SLIT3: variants seen among roughly 807,000 people sequenced by gnomAD.
The protein encoded by SLIT3 is slit homolog 3 protein.
SLIT3 carries 68 observed loss-of-function variants against 184.0 expected under a neutral mutation model. The observed-to-expected ratio is 0.37, with a 90% CI of 0.30 to 0.45. SLIT3 has a LOEUF of 0.45. SLIT3 is among the 20% of genes least tolerant of loss of function. The pLI is 1.00. For synonymous variants in SLIT3, 831 were observed against 828.6 expected (o/e 1.00, Z -0.05); for missense variants, 1,707 against 2,026.0 (o/e 0.84, Z 3.02).
intron 3 of SLIT3, among the ~76,000 whole-genome samples, chr5:169,231,935 C>T (rs1200913993): frequency 4.6e-5 from 7 of 152,152 alleles, no homozygotes; most frequent in East Asian, 1.9e-4. Context: ...ACTTTTCATA[C>T]GATCATTGGC....
At chr5:168,753,829 T>A (rs1561912187) in intron 17 of SLIT3, 35 bp downstream of exon 17, 2 of 1,600,458 alleles carry the variant, frequency 1.2e-6, no homozygotes, top group Admixed American at 3.3e-5. Flanking sequence ...CGTCTCCCTC[T>A]GGGTCTTGGC....
intron 4 of SLIT3, among the ~76,000 whole-genome samples, chr5:169,160,018 C>T (rs185682069): frequency 6.6e-6 from 1 of 152,304 alleles, no homozygotes; most frequent in Admixed American, 6.5e-5. Context: ...TCTCTGAGCA[C>T]TTGGTAGAGC....
chr5:168,933,594 T>G (rs1476371308), intron 4 of SLIT3, among the ~76,000 whole-genome samples: 1 of 152,150 alleles, frequency 6.6e-6, no homozygotes, highest in African/African-American at 2.4e-5. Flanking sequence ...TGATTCCCTT[T>G]TTAAGTATGA....
chr5:169,207,015 A>G (rs1473981529), intron 3 of SLIT3, among the ~76,000 whole-genome samples: 1 of 150,120 alleles, frequency 6.7e-6, no homozygotes, highest in East Asian at 2.0e-4. Flanking sequence ...TTGCATTGTC[A>G]CTTCGATCTG....
At chr5:168,985,837 T>TG (rs1232046074) in intron 4 of SLIT3, among the ~76,000 whole-genome samples, 8 of 151,538 alleles carry the variant, frequency 5.3e-5, no homozygotes, top group African/African-American at 1.9e-4. Flanking sequence ...GGAGGGATGA[T>TG]GGCGGGGGGT....
rs56974958 is a variant in SLIT3 at position 168,828,658 on chromosome 5, C to CAAAAAAAAAAAAA, written c.558-5328_558-5327insTTTTTTTTTTTTT. On this transcript the variant is annotated intron_variant, in intron 6 of 35. Transcript: ENST00000519560. The stretch of plus-strand genomic sequence containing the variant: ...TGGGTGACAGAGTGAGATCCTGACT[C>CAAAAAAAAAAAAA]AAAAAAAAAAAAGAAAAAAGAAAAA... Among the ~76,000 whole-genome samples the CAAAAAAAAAAAAA allele has an allele frequency of 1.9e-3, 184 of 97,104 alleles. 7 individuals are homozygous for CAAAAAAAAAAAAA. Among genetic ancestry groups the CAAAAAAAAAAAAA allele is most frequent in the African/African-American group, 6.5e-3 (163 of 25,054 alleles). The allele number at this position is 97,104 out of a possible 152,430, so 63.7% of individuals were successfully genotyped here.
chr5:169,176,626 T>G (rs1338961328), intron 4 of SLIT3, among the ~76,000 whole-genome samples: 1 of 152,214 alleles, frequency 6.6e-6, no homozygotes, highest in Non-Finnish European at 1.5e-5. Context: ...AGAATAAGGA[T>G]CAGAGATCAG....
chr5:168,999,763 G>A (rs911712044), intron 4 of SLIT3, among the ~76,000 whole-genome samples: 13 of 152,230 alleles, frequency 8.5e-5, no homozygotes, highest in Non-Finnish European at 1.9e-4. Context: ...GACTCACAAA[G>A]GCAGCCCTGG....
chr5:168,694,105 C>T (rs1761983808), intron 28 of SLIT3, among the ~76,000 whole-genome samples: 1 of 152,116 alleles, frequency 6.6e-6, no homozygotes, highest in Non-Finnish European at 1.5e-5. Context: ...ACTCTCAGGA[C>T]CAAAGTGCAA....
chr5:168,751,025 C>T (rs1180527660), intron 18 of SLIT3, among the ~76,000 whole-genome samples: 1 of 141,268 alleles, frequency 7.1e-6, no homozygotes, highest in Non-Finnish European at 1.5e-5. Flanking sequence ...GACCCTTGAG[C>T]AAAGGTGGAA....
At chr5:168,736,999 A>C (rs1210859362) in intron 20 of SLIT3, among the ~76,000 whole-genome samples, 1 of 152,204 alleles carries the variant, frequency 6.6e-6, no homozygotes, top group East Asian at 1.9e-4. Context: ...ATTACCTATT[A>C]AGAAAACCCA....
intron 3 of SLIT3, among the ~76,000 whole-genome samples, chr5:169,198,958 A>ACG (rs1413480816): frequency 6.8e-6 from 1 of 146,620 alleles, no homozygotes; most frequent in African/African-American, 2.5e-5. Flanking sequence ...AACTATACAC[A>ACG]CACACACACA....
intron 4 of SLIT3, among the ~76,000 whole-genome samples, chr5:168,929,132 G>T (rs1009996183): frequency 2.6e-5 from 4 of 152,118 alleles, no homozygotes; most frequent in Non-Finnish European, 5.9e-5. Flanking sequence ...TCACAGATGG[G>T]GAAACCAAGG....
At chr5:168,856,454 GAATTT>G (rs1348091648) in intron 5 of SLIT3, among the ~76,000 whole-genome samples, 1 of 152,094 alleles carries the variant, frequency 6.6e-6, no homozygotes, top group East Asian at 1.9e-4. Context: ...AAACATGAGG[GAATTT>G]AATTCACCTA....
intron 4 of SLIT3, among the ~76,000 whole-genome samples, chr5:169,172,644 T>C (rs1056449209): frequency 1.4e-4 from 21 of 152,348 alleles, no homozygotes; most frequent in African/African-American, 5.1e-4. Context: ...GAAGCTGATG[T>C]TCACATCCTC....
At chr5:168,793,672 C>T (rs1438461474) in intron 10 of SLIT3, among the ~76,000 whole-genome samples, 2 of 152,098 alleles carry the variant, frequency 1.3e-5, no homozygotes, top group Non-Finnish European at 2.9e-5. Flanking sequence ...ATTACCTGGA[C>T]TTCACAAAAA....
chr5:169,276,796 A>C (rs1214298545), intron 1 of SLIT3, among the ~76,000 whole-genome samples: 1 of 152,248 alleles, frequency 6.6e-6, no homozygotes, highest in Non-Finnish European at 1.5e-5. Context: ...TGTGCGCTAC[A>C]CATAAGGTCT....
At chr5:169,051,294 T>G (rs1353654890) in intron 4 of SLIT3, among the ~76,000 whole-genome samples, 2 of 152,190 alleles carry the variant, frequency 1.3e-5, no homozygotes, top group Non-Finnish European at 1.5e-5. Flanking sequence ...GCCTTTTTTT[T>G]TTTCCCCTCT....
At chr5:168,938,120 G>A (rs1762218771) in intron 4 of SLIT3, among the ~76,000 whole-genome samples, 2 of 152,112 alleles carry the variant, frequency 1.3e-5, no homozygotes, top group Non-Finnish European at 2.9e-5. Flanking sequence ...CTGACAGTTG[G>A]GAGTAAACTA....
Sources: gnomAD v4.1 joint callset for allele counts (sites outside exome capture counted in the v4.1 genomes callset) on GRCh38, gnomAD v4.1.1 for gene constraint, MANE v1.5 for transcripts, NCBI Gene and HGNC (gene_info 2026-07-23, HGNC 2026-07-21) for gene names.